Variants in PITPNM2 observed in about 807,000 individuals in gnomAD.
PITPNM2 encodes the protein membrane-associated phosphatidylinositol transfer protein 2.
A neutral mutation model predicts 132.2 loss-of-function variants in PITPNM2; 35 were observed. That is an observed-to-expected ratio of 0.26 (90% CI 0.20 to 0.35). PITPNM2 has a LOEUF of 0.35. Ranked by LOEUF, PITPNM2 falls within the 10% of genes least tolerant of loss-of-function variation. The pLI, the probability that PITPNM2 is intolerant of heterozygous loss-of-function variation, is 1.00. For synonymous variants in PITPNM2, 738 were observed against 799.2 expected, an observed-to-expected ratio of 0.92 and a Z score of 1.29; for missense variants, 1,332 against 1,912.0, an observed-to-expected ratio of 0.70 and a Z score of 5.66.
intron 21 of PITPNM2, 58 bp downstream of exon 21, chr12:122,987,727 G>A: frequency 6.2e-7 from 1 of 1,612,582 alleles, no homozygotes; most frequent in Non-Finnish European, 8.5e-7. Context: ...CCCGGCCAGA[G>A]GGCAGCAGGG....
At chr12:123,046,364 CT>C (rs2040657493) in intron 2 of PITPNM2, among the ~76,000 whole-genome samples, 1 of 152,170 alleles carries the variant, frequency 6.6e-6, no homozygotes, top group Non-Finnish European at 1.5e-5. Flanking sequence ...CACTTGGGCC[CT>C]ATTAATACAT....
chr12:123,101,543 C>T (rs1015668098), intron 2 of PITPNM2, among the ~76,000 whole-genome samples: 1 of 152,324 alleles, frequency 6.6e-6, no homozygotes, highest in South Asian at 2.1e-4. Context: ...GGTTCTCCTT[C>T]CCAAGCCCCT....
At chr12:123,053,242 T>C (rs2040919166) in intron 2 of PITPNM2, among the ~76,000 whole-genome samples, 1 of 152,222 alleles carries the variant, frequency 6.6e-6, no homozygotes, top group Non-Finnish European at 1.5e-5. Flanking sequence ...CTGGGTTCAA[T>C]AATTTTTAAC....
Position 123,106,506 on chromosome 12 carries a change from C to T in PITPNM2, c.-96+3879G>A, listed in dbSNP as rs915745488. ...ATGCAGGGGTCAGTCCCCAGAGCTC[C>T]GGGGAACAGGAAGAAGAGGAGACTG... On this transcript the variant is annotated intron_variant, in intron 2 of 25. Coordinates refer to ENST00000320201, the MANE Select transcript of PITPNM2 (RefSeq NM_020845.3). The surrounding 1 kb of genome is among the most constrained non-coding windows in gnomAD (Gnocchi z 4.4). Among the ~76,000 whole-genome samples, 8 of 152,138 alleles carry T rather than the reference C, an allele frequency of 5.3e-5. No homozygotes were observed. Among genetic ancestry groups the T allele is most frequent in the African/African-American group, 1.9e-4 (8 of 41,426 alleles).
chr12:123,111,432 C>T lies in PITPNM2; in HGVS notation c.-199-944G>A, dbSNP rs1027802167. On this transcript the variant is annotated intron_variant, in intron 1 of 25. Transcript: ENST00000320201. This position sits in a 1 kb window ranked among gnomAD's most constrained non-coding sequence, Gnocchi z 4.1. ...GCATGGTGGGGGTCTCCTCAGACAC[C>T]AGTCCATGCCCGCTAGGGGCAAGCA... Among the ~76,000 whole-genome samples, 2 of 152,242 alleles carry T rather than the reference C, an allele frequency of 1.3e-5. No individual in the cohort carries two copies. Among genetic ancestry groups the T allele is most frequent in the African/African-American group, 4.8e-5 (2 of 41,468 alleles).
At position 123,141,116 on chromosome 12, in the gene PITPNM2, G is replaced by C. The variant is rs140130461; in HGVS notation, c.-200+9637C>G. On this transcript the variant is annotated intron_variant, in intron 1 of 25. Transcript: ENST00000320201. ...CACAAGCATGAACATGAGGGATCAGGTCTAGAGTCCAGCCAGCAGTTAACT... is the reference window on the plus strand; with the variant it reads ...CACAAGCATGAACATGAGGGATCAGCTCTAGAGTCCAGCCAGCAGTTAACT... Among the ~76,000 whole-genome samples, 9 of 152,252 alleles carry C rather than the reference G, an allele frequency of 5.9e-5. No individual in the cohort carries two copies. In the East Asian group the frequency reaches 1.7e-3, roughly 29 times the overall value.
chr12:123,027,669 C>A (rs1481581180), intron 3 of PITPNM2, among the ~76,000 whole-genome samples: 1 of 152,228 alleles, frequency 6.6e-6, no homozygotes, highest in Non-Finnish European at 1.5e-5. Flanking sequence ...GTGAGGGCTG[C>A]AGTCAGTGGC....
intron 2 of PITPNM2, among the ~76,000 whole-genome samples, chr12:123,098,753 G>A (rs78413060): frequency 5.3e-4 from 80 of 152,038 alleles, no homozygotes; most frequent in African/African-American, 1.8e-3. Context: ...TGAGTCCCCC[G>A]AATCCCACGG....
chr12:123,081,192 A>G (rs1273122836), intron 2 of PITPNM2: 12 of 152,064 alleles, frequency 7.9e-5, no homozygotes, highest in Admixed American at 7.9e-4. Context: ...TCCACAGCCT[A>G]GCTCCAGAGG....
At chr12:123,050,751 G>A (rs1056358053) in intron 2 of PITPNM2, among the ~76,000 whole-genome samples, 27 of 152,200 alleles carry the variant, frequency 1.8e-4, no homozygotes, top group African/African-American at 6.3e-4. Flanking sequence ...CAACATGCCT[G>A]GAAAGTTTCC....
At chr12:123,003,850 C>T (rs1216217521) in intron 8 of PITPNM2, among the ~76,000 whole-genome samples, 1 of 152,188 alleles carries the variant, frequency 6.6e-6, no homozygotes, top group Non-Finnish European at 1.5e-5. Flanking sequence ...AGCAGGCGAG[C>T]GCTGTATGCA....
intron 1 of PITPNM2, among the ~76,000 whole-genome samples, chr12:123,116,030 G>T (rs2042931018): frequency 6.6e-6 from 1 of 152,208 alleles, no homozygotes; most frequent in Non-Finnish European, 1.5e-5. Flanking sequence ...TTTTCCCAGG[G>T]TGGTTGCCGG....
chr12:123,080,899 C>T (rs2137006461), intron 2 of PITPNM2, among the ~76,000 whole-genome samples: 1 of 152,380 alleles, frequency 6.6e-6, no homozygotes. Flanking sequence ...CACACCTGCA[C>T]TATCCAGTGC....
At chr12:123,143,514 A>T (rs1024002153) in intron 1 of PITPNM2, among the ~76,000 whole-genome samples, 1 of 152,202 alleles carries the variant, frequency 6.6e-6, no homozygotes, top group Admixed American at 6.5e-5. Flanking sequence ...CAGGCAAAAG[A>T]CTTGGGAAAG....
chr12:123,047,960 A>G (rs12305187), intron 2 of PITPNM2, among the ~76,000 whole-genome samples: 2,230 of 152,178 alleles, frequency 0.015, 38 homozygotes, highest in African/African-American at 0.049. Flanking sequence ...TTAGCCAGGC[A>G]TTGTGGTGCA....
intron 2 of PITPNM2, among the ~76,000 whole-genome samples, chr12:123,104,177 C>T (rs2042634574): frequency 6.6e-6 from 1 of 152,170 alleles, no homozygotes; most frequent in Non-Finnish European, 1.5e-5. Flanking sequence ...GTGATCTGCC[C>T]GTGTTGGCCT....
At chr12:123,018,782 CTT>C (rs57520928) in intron 3 of PITPNM2, among the ~76,000 whole-genome samples, 4 of 121,432 alleles carry the variant, frequency 3.3e-5, no homozygotes, top group Admixed American at 8.1e-5. Flanking sequence ...CTTTCCTTTC[CTT>C]TTTTTTTTTT....
At chr12:122,996,215 C>A (rs1373186138) in intron 13 of PITPNM2, among the ~76,000 whole-genome samples, 1 of 152,244 alleles carries the variant, frequency 6.6e-6, no homozygotes, top group African/African-American at 2.4e-5. Context: ...AACCCCTCCA[C>A]AGCCCCTGTC....
intron 1 of PITPNM2, among the ~76,000 whole-genome samples, chr12:123,137,722 A>G (rs2043411510): frequency 6.6e-6 from 1 of 151,936 alleles, no homozygotes; most frequent in South Asian, 2.1e-4. Context: ...GTGAAACCCC[A>G]TCTCTACTAA....
Sources: allele counts gnomAD v4.1 joint callset (sites outside exome capture counted in the v4.1 genomes callset), GRCh38; gene constraint gnomAD v4.1.1; non-coding constraint Gnocchi (gnomAD v3.1); transcripts MANE v1.5; gene names NCBI Gene and HGNC (gene_info 2026-07-23, HGNC 2026-07-21).